Variants in ABRACL observed in about 807,000 individuals in gnomAD.
ABRACL encodes costars family protein ABRACL.
In ABRACL, 4 loss-of-function variants were observed where a neutral mutation model predicts 7.0. The ratio of observed to expected loss-of-function variants is 0.57; its 90% CI spans 0.28 to 1.30. The LOEUF is 1.30. Among genes scored for constraint, ABRACL ranks in the 50% most tolerant of loss-of-function variants. ABRACL has a pLI of 0.10. For missense variants in ABRACL, 104 were observed against 97.3 expected, an observed-to-expected ratio of 1.07 and a Z score of -0.29; for synonymous variants, 30 against 36.0, an observed-to-expected ratio of 0.83 and a Z score of 0.60.
chr6:139,029,249 C>T (rs1397860947), intron 1 of ABRACL, among the ~76,000 whole-genome samples: 1 of 151,950 alleles, frequency 6.6e-6, no homozygotes, highest in African/African-American at 2.4e-5. Context: ...GGGCTGGGGG[C>T]GAGAGGAGAG....
At chr6:139,033,853 A>AAGGAGAATGGCTG (rs758851509) in intron 1 of ABRACL, among the ~76,000 whole-genome samples, 1 of 140,760 alleles carries the variant, frequency 7.1e-6, no homozygotes, top group East Asian at 2.3e-4. Context: ...GGACCTACGC[A>AAGGAGAATGGCTG]TAGTGAATCG....
chr6:139,034,484 C>T (rs1786126104), intron 2 of ABRACL: 1 of 1,380,856 alleles, frequency 7.2e-7, no homozygotes, highest in Admixed American at 2.9e-5. Flanking sequence ...TACCAAGCTT[C>T]TTGTATTTGA....
At chr6:139,038,847 T>C (rs958059855) in intron 2 of ABRACL, among the ~76,000 whole-genome samples, 2 of 152,224 alleles carry the variant, frequency 1.3e-5, no homozygotes, top group African/African-American at 2.4e-5. Context: ...TTGGCTACTT[T>C]ACTAAACTTT....
intron 2 of ABRACL, among the ~76,000 whole-genome samples, chr6:139,038,008 C>T (rs1378141112): frequency 1.3e-5 from 2 of 152,092 alleles, no homozygotes; most frequent in Admixed American, 1.3e-4. Flanking sequence ...AACTCCTGGC[C>T]TCATGTGATC....
chr6:139,042,965 G>T lies in ABRACL; in HGVS notation c.*62G>T. ...TTTCTGGTAAACTGGAATATAAAGT[G>T]AAAGAACAAACATTTGAACATACTT... On this transcript the variant is annotated 3_prime_UTR_variant, in exon 3 of 3. Coordinates refer to ENST00000367660, the MANE Select transcript of ABRACL (RefSeq NM_021243.3). 7.3e-7 allele frequency: 1 copy of T among 1,361,936 alleles called. No individual in the cohort carries two copies. The highest frequency in any genetic ancestry group is 1.0e-6 in the Non-Finnish European group (1 of 1,004,260). 84.4% of individuals were successfully genotyped at this position (1,361,936 alleles called of 1,614,324 possible).
intron 2 of ABRACL, among the ~76,000 whole-genome samples, chr6:139,036,851 G>T (rs1786165632): frequency 6.6e-6 from 1 of 152,112 alleles, no homozygotes; most frequent in Non-Finnish European, 1.5e-5. Context: ...AGGCATGGTG[G>T]CATGCAACTG....
chr6:139,032,702 C>T (rs1035821244), intron 1 of ABRACL, among the ~76,000 whole-genome samples: 1 of 152,198 alleles, frequency 6.6e-6, no homozygotes, highest in Non-Finnish European at 1.5e-5. Context: ...ACACAACTCC[C>T]CCTTTTTGGT....
At chr6:139,036,573 A>T (rs1017012156) in intron 2 of ABRACL, among the ~76,000 whole-genome samples, 1 of 152,214 alleles carries the variant, frequency 6.6e-6, no homozygotes, top group African/African-American at 2.4e-5. Context: ...AACTGAGTTG[A>T]ATCATATCAG....
At chr6:139,038,106 G>A (rs1305389901) in intron 2 of ABRACL, among the ~76,000 whole-genome samples, 1 of 152,044 alleles carries the variant, frequency 6.6e-6, no homozygotes, top group South Asian at 2.1e-4. Flanking sequence ...ATAGTTATAG[G>A]TGTTACAGGC....
At chr6:139,041,425 ATCTC>A (rs72110050) in intron 2 of ABRACL, among the ~76,000 whole-genome samples, 7,122 of 116,888 alleles carry the variant, frequency 0.061, 261 homozygotes, top group East Asian at 0.18. Context: ...CACCAGACCC[ATCTC>A]TCTCTCTCTC....
intron 1 of ABRACL, among the ~76,000 whole-genome samples, chr6:139,029,438 T>C (rs1163961102): frequency 6.6e-6 from 1 of 151,650 alleles, no homozygotes; most frequent in East Asian, 2.0e-4. Flanking sequence ...TCGCGGCGCT[T>C]CGGGGCGCCC....
chr6:139,029,213 C>T (rs1786040268), intron 1 of ABRACL, among the ~76,000 whole-genome samples: 1 of 152,124 alleles, frequency 6.6e-6, no homozygotes, highest in Non-Finnish European at 1.5e-5. Flanking sequence ...GGTTCAGGAG[C>T]CAGTTCTGCA....
Position 139,042,972 on chromosome 6 carries a change from C to G in ABRACL, c.*69C>G. ...TAAACTGGAATATAAAGTGAAAGAA[C>G]AAACATTTGAACATACTTAATGTAT... On this transcript the variant is annotated 3_prime_UTR_variant, in exon 3 of 3. Transcript: ENST00000367660. 5.3e-6 allele frequency: 7 copies of G among 1,314,758 alleles called. No homozygotes were observed. Among genetic ancestry groups the G allele is most frequent in the Non-Finnish European group, 7.2e-6 (7 of 965,518 alleles). The allele number at this position is 1,314,758 out of a possible 1,614,324, so 81.4% of individuals were successfully genotyped here. A position where few individuals can be genotyped will look rare whatever the true frequency, so the allele number is the denominator to read the frequency against.
Position 139,041,493 on chromosome 6 carries a change from A to ATGTGTG in ABRACL, c.62-1210_62-1205dup, listed in dbSNP as rs770093258. 1.8e-3 allele frequency among the ~76,000 whole-genome samples: 222 copies of ATGTGTG among 122,480 alleles called. 2 individuals are homozygous for ATGTGTG. Among genetic ancestry groups the ATGTGTG allele is most frequent in the Admixed American group, 9.2e-3 (97 of 10,562 alleles). The allele number at this position is 122,480 out of a possible 152,430, so 80.4% of individuals were successfully genotyped here. A position where few individuals can be genotyped will look rare whatever the true frequency, so the allele number is the denominator to read the frequency against. ...TATTTCTATATTTCTATATATATAT[A>ATGTGTG]TGTGTGTGTGTGTGTGTGTGTATAT... is the stretch of plus-strand genomic sequence containing the variant. On this transcript the variant is annotated intron_variant, in intron 2 of 2. Transcript: ENST00000367660.
intron 2 of ABRACL, among the ~76,000 whole-genome samples, chr6:139,035,004 A>G (rs1786132702): frequency 6.6e-6 from 1 of 152,150 alleles, no homozygotes; most frequent in African/African-American, 2.4e-5. Flanking sequence ...GGATAATAGA[A>G]CTCGAAGTTT....
intron 1 of ABRACL, among the ~76,000 whole-genome samples, chr6:139,029,989 CCTTT>C (rs1786056644): frequency 6.6e-6 from 1 of 152,070 alleles, no homozygotes; most frequent in African/African-American, 2.4e-5. Context: ...CTTTCCGCTT[CCTTT>C]GTGTTTCCCA....
intron 1 of ABRACL, among the ~76,000 whole-genome samples, chr6:139,030,566 C>G (rs943034502): frequency 1.3e-5 from 2 of 152,098 alleles, no homozygotes; most frequent in Non-Finnish European, 2.9e-5. Context: ...ATAAATAAAA[C>G]GTCAAATTAT....
At chr6:139,030,552 A>C (rs1423576231) in intron 1 of ABRACL, among the ~76,000 whole-genome samples, 1 of 152,320 alleles carries the variant, frequency 6.6e-6, no homozygotes, top group Admixed American at 6.5e-5. Context: ...TTCCTAAATA[A>C]TAAATAAATA....
chr6:139,041,254 T>C (rs1034826541), intron 2 of ABRACL, among the ~76,000 whole-genome samples: 1 of 151,632 alleles, frequency 6.6e-6, no homozygotes, highest in African/African-American at 2.4e-5. Flanking sequence ...GTAAAATATA[T>C]TTTCTTTTTT....
Sources: gnomAD v4.1 joint callset for allele counts (sites outside exome capture counted in the v4.1 genomes callset) on GRCh38, gnomAD v4.1.1 for gene constraint, MANE v1.5 for transcripts, NCBI Gene and HGNC (gene_info 2026-07-23, HGNC 2026-07-21) for gene names.